AMPH: variants seen among roughly 807,000 people sequenced by gnomAD.
AMPH encodes amphiphysin (Stiff-Mann syndrome with breast cancer 128kD autoantigen).
In AMPH, 49 loss-of-function variants were observed where a neutral mutation model predicts 99.1. The ratio of observed to expected loss-of-function variants is 0.49; its 90% CI spans 0.39 to 0.63. The LOEUF (loss-of-function observed/expected upper bound fraction) is 0.63, where lower values mean the gene tolerates loss of function less well. AMPH is among the 20% of genes least tolerant of loss of function. The pLI is 0.00. For synonymous variants in AMPH, 314 were observed against 317.3 expected, an observed-to-expected ratio of 0.99 and a Z score of 0.11; for missense variants, 759 against 863.4, an observed-to-expected ratio of 0.88 and a Z score of 1.52.
At chr7:38,626,986 G>T (rs1794270633) in intron 1 of AMPH, among the ~76,000 whole-genome samples, 1 of 152,048 alleles carries the variant, frequency 6.6e-6, no homozygotes, top group South Asian at 2.1e-4. Context: ...GGTCTTTCAG[G>T]GACGCCTCTG....
chr7:38,506,393 C>G (rs537594262), intron 2 of AMPH, among the ~76,000 whole-genome samples: 6 of 152,092 alleles, frequency 3.9e-5, no homozygotes, highest in Non-Finnish European at 7.4e-5. Flanking sequence ...ACAAACTGAA[C>G]GGTTCACAAA....
At chr7:38,406,724 CCCTTTCCCTCTCTCTCTCTCTCTCTCT>C (rs1785004473) in intron 17 of AMPH, among the ~76,000 whole-genome samples, 1 of 86,360 alleles carries the variant, frequency 1.2e-5, no homozygotes, top group African/African-American at 4.3e-5. Context: ...CTCTCTCTCT[CCCTTTCCCTCTCTCTCTCTCTCTCTCT>C]CTCTCTCTCT....
At chr7:38,587,914 C>CTG (rs200023803) in intron 1 of AMPH, among the ~76,000 whole-genome samples, 7,598 of 126,104 alleles carry the variant, frequency 0.06, 209 homozygotes, top group South Asian at 0.14. Flanking sequence ...TTATTAATTA[C>CTG]TGTGTGTGTG....
intron 7 of AMPH, among the ~76,000 whole-genome samples, chr7:38,472,658 G>A (rs1787927808): frequency 6.6e-6 from 1 of 152,132 alleles, no homozygotes; most frequent in African/African-American, 2.4e-5. Flanking sequence ...ATTTCATTAA[G>A]AAATATGCTA....
chr7:38,545,554 T>G (rs1369088217), intron 1 of AMPH, among the ~76,000 whole-genome samples: 1 of 152,246 alleles, frequency 6.6e-6, no homozygotes, highest in African/African-American at 2.4e-5. Flanking sequence ...CCACCCATCC[T>G]CTTTGAGCAA....
chr7:38,475,940 A>G (rs962068636), intron 6 of AMPH, among the ~76,000 whole-genome samples: 1 of 152,210 alleles, frequency 6.6e-6, no homozygotes, highest in Non-Finnish European at 1.5e-5. Context: ...AAAGCCTTGA[A>G]ATGGAATTCC....
Position 38,384,818 on chromosome 7 carries a change from C to G in AMPH, c.2088G>C (p.Ter696TyrextTer18). ...GCTCCTTCTTGCAGTACTTGTTGCC[C>G]TAATCTAAGCGTCGGGTGAAGTTCT... is the stretch of plus-strand genomic sequence containing the variant. ...FPENFTRRLD* is the reference protein window; with the variant it reads ...FPENFTRRLDY The change falls in exon 21 of 21, where the codon TAG (stop) becomes TAC (tyrosine). Residue 696 changes from the stop codon to tyrosine (Y), a stop_lost. Transcript: ENST00000356264. The G allele has an allele frequency of 6.2e-7, 1 of 1,613,526 alleles. No homozygotes were observed. The highest frequency in any genetic ancestry group is 1.1e-5 in the South Asian group (1 of 91,034).
chr7:38,624,293 A>ATATATT (rs1461536807), intron 1 of AMPH, among the ~76,000 whole-genome samples: 2,012 of 152,228 alleles, frequency 0.013, 34 homozygotes, highest in African/African-American at 0.045. Flanking sequence ...ATTATATAAT[A>ATATATT]ATCACTTGGG....
intron 7 of AMPH, among the ~76,000 whole-genome samples, chr7:38,466,768 T>C (rs1159537202): frequency 6.6e-6 from 1 of 152,162 alleles, no homozygotes; most frequent in African/African-American, 2.4e-5. Context: ...CTGAAATTTG[T>C]TTCATAGAAG....
chr7:38,604,541 T>C (rs1310519153), intron 1 of AMPH, among the ~76,000 whole-genome samples: 1 of 152,160 alleles, frequency 6.6e-6, no homozygotes, highest in Non-Finnish European at 1.5e-5. Context: ...CGGGCCTAGG[T>C]TGGGATCCTG....
chr7:38,493,941 T>C (rs1373475695), intron 4 of AMPH, among the ~76,000 whole-genome samples: 1 of 152,136 alleles, frequency 6.6e-6, no homozygotes, highest in African/African-American at 2.4e-5. Context: ...CCAAGTGGTT[T>C]TATGATCATC....
rs77887404 is a variant in AMPH, at chr7:38,404,723, T to C, written c.1399-10509A>G. On this transcript the variant is annotated intron_variant, in intron 17 of 20. Transcript: ENST00000356264. ...AGAATCAGCAGAAGAACTCTGGCAA[T>C]ACAAAAAGACAGAGTGTTTTGACAC... Among the ~76,000 whole-genome samples, 516 of 152,254 alleles carry C rather than the reference T, an allele frequency of 3.4e-3. 5 individuals carry two copies. Among genetic ancestry groups the C allele is most frequent in the African/African-American group, 0.012 (484 of 41,542 alleles).
rs139523659 is a variant in AMPH, at chr7:38,460,053, G to T, written c.1017+1230C>A. 3.1e-3 allele frequency among the ~76,000 whole-genome samples: 470 copies of T among 152,018 alleles called. 4 individuals carry two copies. Among genetic ancestry groups the T allele is most frequent in the African/African-American group, 0.011 (454 of 41,476 alleles). The stretch of plus-strand genomic sequence containing the variant: ...GGACATAAATAGACATTTCTCAAAA[G>T]AAAACATACAAATGGCCAACAGATA... On this transcript the variant is annotated intron_variant, in intron 11 of 20. Transcript: ENST00000356264.
At chr7:38,424,697 A>T (rs1013431390) in intron 15 of AMPH, among the ~76,000 whole-genome samples, 1 of 152,176 alleles carries the variant, frequency 6.6e-6, no homozygotes, top group Non-Finnish European at 1.5e-5. Context: ...CCAAACCAAA[A>T]CCCATAAATT....
At chr7:38,536,676 G>A (rs1562813922) in intron 1 of AMPH, among the ~76,000 whole-genome samples, 1 of 151,770 alleles carries the variant, frequency 6.6e-6, no homozygotes, top group Non-Finnish European at 1.5e-5. Context: ...CTACATGTAA[G>A]TAATATGAAA....
intron 2 of AMPH, among the ~76,000 whole-genome samples, chr7:38,521,209 G>A (rs928473293): frequency 1.3e-5 from 2 of 152,184 alleles, no homozygotes; most frequent in African/African-American, 4.8e-5. Flanking sequence ...CAAGAGGTCA[G>A]AGATTTTTCT....
At chr7:38,616,196 G>T (rs1187256345) in intron 1 of AMPH, among the ~76,000 whole-genome samples, 1 of 152,180 alleles carries the variant, frequency 6.6e-6, no homozygotes, top group Non-Finnish European at 1.5e-5. Context: ...TCCCCCACCT[G>T]ATTCAAACAC....
intron 1 of AMPH, among the ~76,000 whole-genome samples, chr7:38,549,267 T>C (rs2129045418): frequency 6.6e-6 from 1 of 152,330 alleles, no homozygotes; most frequent in African/African-American, 2.4e-5. Flanking sequence ...TCATTATTGG[T>C]AAGATGTTGA....
intron 11 of AMPH, among the ~76,000 whole-genome samples, chr7:38,458,281 C>T (rs766000170): frequency 3.1e-4 from 47 of 151,922 alleles, no homozygotes; most frequent in Non-Finnish European, 5.2e-4. Flanking sequence ...AATTCACAGC[C>T]CAACCCTATC....
Sources: gnomAD v4.1 joint callset for allele counts (sites outside exome capture counted in the v4.1 genomes callset) on GRCh38, gnomAD v4.1.1 for gene constraint, MANE v1.5 for transcripts, NCBI Gene and HGNC (gene_info 2026-07-23, HGNC 2026-07-21) for gene names.